Variants in CSMD3 observed in about 807,000 individuals in gnomAD.
The protein encoded by CSMD3 is CUB and sushi domain-containing protein 3.
CSMD3 carries 177 observed loss-of-function variants against 435.2 expected under a neutral mutation model. The observed-to-expected ratio is 0.41, with a 90% CI of 0.36 to 0.46. The LOEUF is 0.46. CSMD3 is among the 20% of genes least tolerant of loss of function. The pLI is 0.34. For synonymous variants in CSMD3, 1,656 were observed against 1,520.5 expected (o/e 1.09, Z -2.07); for missense variants, 4,265 against 4,504.6 (o/e 0.95, Z 1.52).
intron 4 of CSMD3, among the ~76,000 whole-genome samples, chr8:113,111,900 G>A (rs1302953692): frequency 2.6e-5 from 4 of 151,848 alleles, no homozygotes; most frequent in South Asian, 2.1e-4. Flanking sequence ...GGCTGGTCTC[G>A]AACTCCTGAC....
At chr8:112,990,297 C>G (rs1003439166) in intron 6 of CSMD3, among the ~76,000 whole-genome samples, 3 of 151,996 alleles carry the variant, frequency 2.0e-5, no homozygotes, top group Non-Finnish European at 4.4e-5. Flanking sequence ...CTATGATAGT[C>G]AACTATCTAG....
rs1275354320 is a variant in CSMD3, at chr8:112,265,529, C to T, written c.9570G>A (p.Val3190=). 6.2e-7 allele frequency: 1 copy of T among 1,613,558 alleles called. No individual in the cohort carries two copies. Among genetic ancestry groups the T allele is most frequent in the Non-Finnish European group, 8.5e-7 (1 of 1,179,572 alleles). ...ACATGTAAGAAACATTTTGTCCAAC[C>T]ACATAATCATCTCCATATCTCAGTC... ...ANGLRYGDDY[V]VGQNVSYMCQ... The change falls in exon 60 of 71, where the codon GTG becomes GTA. Residue 3190 remains valine, a synonymous_variant. Transcript: ENST00000297405.
chr8:112,740,879 T>C (rs777845311), intron 13 of CSMD3, among the ~76,000 whole-genome samples: 8 of 151,950 alleles, frequency 5.3e-5, no homozygotes, highest in Non-Finnish European at 1.0e-4. Context: ...TATTTCTGCA[T>C]GTTTGGCCAT....
In CSMD3 at chr8:112,917,568, G is replaced by A. The variant is rs1423287289; in HGVS notation, c.1633+4059C>T. 2.6e-5 allele frequency among the ~76,000 whole-genome samples: 4 copies of A among 151,770 alleles called. No individual in the cohort carries two copies. The Admixed American group carries it at 2.6e-4, about 10-fold the overall frequency. ...TTGGAAATCAAAAGAGTTAACAATC[G>A]GCAACATCAGCAACTGCTGCAGCAA... On this transcript the variant is annotated intron_variant, in intron 10 of 70. Transcript: ENST00000297405.
At chr8:112,852,988 T>C (rs2080537628) in intron 11 of CSMD3, among the ~76,000 whole-genome samples, 2 of 152,106 alleles carry the variant, frequency 1.3e-5, no homozygotes, top group Admixed American at 1.3e-4. Context: ...ACAAATACAT[T>C]TTGGAATTTT....
At chr8:113,185,047 C>T (rs2092478425) in intron 3 of CSMD3, among the ~76,000 whole-genome samples, 1 of 151,964 alleles carries the variant, frequency 6.6e-6, no homozygotes, top group Non-Finnish European at 1.5e-5. Flanking sequence ...CCCAGCAGTT[C>T]ATTCCAACAC....
intron 10 of CSMD3, among the ~76,000 whole-genome samples, chr8:112,895,267 C>T (rs2081918495): frequency 6.6e-6 from 1 of 151,062 alleles, no homozygotes; most frequent in African/African-American, 2.4e-5. Flanking sequence ...TAATGTGTTG[C>T]AGAAATTTTT....
intron 62 of CSMD3, 150 bp downstream of exon 62, chr8:112,255,104 A>T (rs1160143720): frequency 4.9e-6 from 3 of 608,150 alleles, no homozygotes; most frequent in Non-Finnish European, 5.7e-6. Context: ...TTCTACCAAT[A>T]TTCATTTCCA....
At chr8:112,842,461 T>C (rs1281378576) in intron 11 of CSMD3, among the ~76,000 whole-genome samples, 1 of 151,746 alleles carries the variant, frequency 6.6e-6, no homozygotes, top group Admixed American at 6.6e-5. Flanking sequence ...ATTATACCCA[T>C]CTCGCTCTGG....
chr8:112,800,165 T>C lies in CSMD3; in HGVS notation c.1969A>G (p.Lys657Glu). ...VGSVGFKVNY[K>E]EIEKESCGDP... Reference sequence around the variant, plus strand: ...CTATGTAGAAATTAATCATTACCTTTGTAGTTAACCTTGAAACCAACAGAT... The same window carrying C: ...CTATGTAGAAATTAATCATTACCTTCGTAGTTAACCTTGAAACCAACAGAT... The change falls in exon 13 of 71, where the codon AAA becomes GAA. Residue 657 changes from lysine (K) to glutamate (E), a missense_variant. Lys to Glu is a moderately conservative substitution (Grantham distance 56, BLOSUM62 1). Transcript: ENST00000297405. 6.3e-7 allele frequency: 1 copy of C among 1,591,596 alleles called. No homozygotes were observed. Among genetic ancestry groups the C allele is most frequent in the South Asian group, 1.1e-5 (1 of 90,612 alleles).
intron 13 of CSMD3, among the ~76,000 whole-genome samples, chr8:112,711,669 T>C (rs1187051175): frequency 6.6e-6 from 1 of 152,186 alleles, no homozygotes; most frequent in East Asian, 1.9e-4. Context: ...TTGTGAATTG[T>C]CACTACAATT....
intron 50 of CSMD3, among the ~76,000 whole-genome samples, chr8:112,309,455 A>C (rs537284162): frequency 6.6e-6 from 1 of 151,940 alleles, no homozygotes; most frequent in South Asian, 2.1e-4. Flanking sequence ...ATATATTATA[A>C]GCTTATTTTA....
intron 6 of CSMD3, among the ~76,000 whole-genome samples, chr8:112,983,487 T>C (rs1206290913): frequency 6.6e-6 from 1 of 151,266 alleles, no homozygotes; most frequent in Non-Finnish European, 1.5e-5. Flanking sequence ...AAAGATGTTC[T>C]TAAGAATTAA....
At chr8:112,410,629 T>C (rs1281343989) in intron 32 of CSMD3, among the ~76,000 whole-genome samples, 7 of 23,704 alleles carry the variant, frequency 3.0e-4, no homozygotes, top group Middle Eastern at 0.02. Flanking sequence ...TATATATGTG[T>C]ATATATATGT....
intron 35 of CSMD3, among the ~76,000 whole-genome samples, chr8:112,401,197 C>A (rs938841843): frequency 6.6e-6 from 1 of 151,984 alleles, no homozygotes; most frequent in Admixed American, 6.6e-5. Context: ...TGCAAGACTC[C>A]ATTTCAAAAA....
intron 38 of CSMD3, among the ~76,000 whole-genome samples, chr8:112,360,240 T>A (rs1375694900): frequency 6.6e-6 from 1 of 151,982 alleles, no homozygotes; most frequent in African/African-American, 2.4e-5. Context: ...CATTCATTTC[T>A]CTTCCTTTCT....
chr8:113,233,244 G>A (rs990811829), intron 3 of CSMD3, among the ~76,000 whole-genome samples: 1 of 148,758 alleles, frequency 6.7e-6, no homozygotes, highest in Non-Finnish European at 1.5e-5. Context: ...ATTGATAACT[G>A]TTCATATATT....
At chr8:112,429,881 G>A (rs180939794) in intron 32 of CSMD3, among the ~76,000 whole-genome samples, 18 of 151,842 alleles carry the variant, frequency 1.2e-4, no homozygotes, top group Admixed American at 9.9e-4. Context: ...AATTATCAGT[G>A]ATTTTTCAGT....
chr8:112,515,693 C>T (rs1424835967), intron 28 of CSMD3, among the ~76,000 whole-genome samples: 1 of 151,924 alleles, frequency 6.6e-6, no homozygotes, highest in Non-Finnish European at 1.5e-5. Context: ...AAAAGGGTCT[C>T]TAATAAATTT....
Sources: gnomAD v4.1 joint callset for allele counts (sites outside exome capture counted in the v4.1 genomes callset) on GRCh38, gnomAD v4.1.1 for gene constraint, MANE v1.5 for transcripts, NCBI Gene and HGNC (gene_info 2026-07-23, HGNC 2026-07-21) for gene names.